Variants in DSCAML1 observed in about 807,000 individuals in gnomAD.
DSCAML1 encodes DS cell adhesion molecule like 1.
In DSCAML1, 38 loss-of-function variants were observed where a neutral mutation model predicts 200.5. That is an observed-to-expected ratio of 0.19 (90% confidence interval 0.15 to 0.25). The LOEUF is 0.25. Among genes scored for constraint, DSCAML1 ranks in the 10% least tolerant of loss-of-function variants. The pLI is 1.00. For missense variants in DSCAML1, 2,223 were observed against 2,858.8 expected (o/e 0.78, Z 5.07); for synonymous variants, 1,215 against 1,165.0 (o/e 1.04, Z -0.87).
Position 117,780,179 on chromosome 11 carries a change from GAAAA to G in DSCAML1, c.364+310_364+313del, listed in dbSNP as rs753602006. Among the ~76,000 whole-genome samples, 13 of 111,424 alleles carry G rather than the reference GAAAA, an allele frequency of 1.2e-4. No homozygotes were observed. Among genetic ancestry groups the G allele is most frequent in the Admixed American group, 4.9e-4 (5 of 10,266 alleles). 73.1% of individuals were successfully genotyped at this position (111,424 alleles called of 152,430 possible). A position where few individuals can be genotyped will look rare whatever the true frequency, so the allele number is the denominator to read the frequency against. ...AGAGAGAAAGAAAGAAAGAAAAAAA[GAAAA>G]AAAGAAAGAAAGAAAGAGAAAGAAA... On this transcript the variant is annotated intron_variant, in intron 2 of 32. Coordinates refer to ENST00000651296, the MANE Select transcript of DSCAML1 (RefSeq NM_020693.4). This position sits in a 1 kb window ranked among gnomAD's most constrained non-coding sequence, Gnocchi z 4.8.
intron 8 of DSCAML1, among the ~76,000 whole-genome samples, chr11:117,514,927 G>C (rs987976212): frequency 2.0e-5 from 3 of 152,244 alleles, no homozygotes; most frequent in Admixed American, 6.5e-5. Context: ...GAAAACTGGG[G>C]AGGAAATGTT....
chr11:117,602,106 G>A (rs1390204846), intron 3 of DSCAML1, among the ~76,000 whole-genome samples: 1 of 152,278 alleles, frequency 6.6e-6, no homozygotes, highest in Non-Finnish European at 1.5e-5. Context: ...AGAATCAGCA[G>A]CCTCAGCTGG....
chr11:117,439,586 G>A (rs1271533528), intron 22 of DSCAML1, among the ~76,000 whole-genome samples, 157 bp from the exon 23 acceptor site: 1 of 152,128 alleles, frequency 6.6e-6, no homozygotes, highest in Non-Finnish European at 1.5e-5. Context: ...CTGGGGGTAT[G>A]AGGTAACCCA....
chr11:117,743,671 G>T (rs1422706277), intron 3 of DSCAML1, among the ~76,000 whole-genome samples: 1 of 152,220 alleles, frequency 6.6e-6, no homozygotes, highest in Non-Finnish European at 1.5e-5. Flanking sequence ...CAGTCTCTCA[G>T]GCCACTGCCA....
At chr11:117,665,392 G>T (rs1269600916) in intron 3 of DSCAML1, among the ~76,000 whole-genome samples, 1 of 152,240 alleles carries the variant, frequency 6.6e-6, no homozygotes, top group Non-Finnish European at 1.5e-5. Context: ...CACAAGCACA[G>T]CTAACCCTTC....
At chr11:117,492,374 C>T (rs146450767) in intron 11 of DSCAML1, among the ~76,000 whole-genome samples, 57 of 152,254 alleles carry the variant, frequency 3.7e-4, no homozygotes, top group African/African-American at 1.3e-3. Flanking sequence ...GCTTTGGGGA[C>T]GATAAAATGC....
At chr11:117,592,348 C>G (rs987437540) in intron 3 of DSCAML1, among the ~76,000 whole-genome samples, 8 of 152,150 alleles carry the variant, frequency 5.3e-5, no homozygotes, top group Non-Finnish European at 1.2e-4. Flanking sequence ...CCATTGAGCT[C>G]ACACTGTCTT....
rs1393910167 is a variant in DSCAML1, at chr11:117,780,284, G to GA, written c.364+208dup. 1.4e-4 allele frequency among the ~76,000 whole-genome samples: 14 copies of GA among 96,758 alleles called. No individual in the cohort carries two copies. Among genetic ancestry groups the GA allele is most frequent in the African/African-American group, 3.5e-4 (11 of 31,130 alleles). 63.5% of individuals were successfully genotyped at this position (96,758 alleles called of 152,430 possible). A position where few individuals can be genotyped will look rare whatever the true frequency, so the allele number is the denominator to read the frequency against. ...AGAAAGAAAGAAAGAAAGAAAGAAA[G>GA]AAAGAAAGAAAGAAAGAAAGAGAGA... On this transcript the variant is annotated intron_variant, in intron 2 of 32. Transcript: ENST00000651296. This position sits in a 1 kb window ranked among gnomAD's most constrained non-coding sequence, Gnocchi z 4.8.
chr11:117,536,786 G>T (rs2050179274), intron 3 of DSCAML1, among the ~76,000 whole-genome samples: 1 of 152,154 alleles, frequency 6.6e-6, no homozygotes, highest in Non-Finnish European at 1.5e-5. Flanking sequence ...ATGACTAGGG[G>T]AGTGGTTGGT....
At chr11:117,578,236 GAAAAAA>G (rs59533726) in intron 3 of DSCAML1, among the ~76,000 whole-genome samples, 5 of 101,410 alleles carry the variant, frequency 4.9e-5, no homozygotes, top group Admixed American at 1.0e-4. Flanking sequence ...ACTCTGTCTC[GAAAAAA>G]AAAAAAAAAA....
chr11:117,431,061 T>C, intron 31 of DSCAML1, 28 bp from the exon 32 acceptor site: 1 of 1,585,504 alleles, frequency 6.3e-7, no homozygotes, highest in Non-Finnish European at 8.6e-7. Context: ...AAGGGGTGGG[T>C]TACGGGGAGG....
chr11:117,632,076 C>T (rs887372516), intron 3 of DSCAML1, among the ~76,000 whole-genome samples: 1 of 152,196 alleles, frequency 6.6e-6, no homozygotes, highest in Non-Finnish European at 1.5e-5. Context: ...GAACTCTGCC[C>T]GATGTCGACA....
chr11:117,753,786 T>C (rs1238347466), intron 3 of DSCAML1, among the ~76,000 whole-genome samples: 1 of 152,216 alleles, frequency 6.6e-6, no homozygotes, highest in Admixed American at 6.5e-5. Context: ...ACGCTGCATG[T>C]TGCCAGAACC....
Position 117,518,841 on chromosome 11 carries a change from G to T in DSCAML1, c.1214-79C>A. The T allele has an allele frequency of 6.8e-7, 1 of 1,471,368 alleles. No homozygotes were observed. The allele number at this position is 1,471,368 out of a possible 1,614,324, so 91.1% of individuals were successfully genotyped here. A position where few individuals can be genotyped will look rare whatever the true frequency, so the allele number is the denominator to read the frequency against. On this transcript the variant is annotated intron_variant, in intron 6 of 32. Transcript: ENST00000651296. This position sits in a 1 kb window ranked among gnomAD's most constrained non-coding sequence, Gnocchi z 6.3. Reference sequence around the variant, plus strand: ...CCCCCAGCCACCCCACCTCAGCAGGGGAGGAGGCAAAAAGCAGCCATAAGA... The same window carrying T: ...CCCCCAGCCACCCCACCTCAGCAGGTGAGGAGGCAAAAAGCAGCCATAAGA...
At chr11:117,457,885 G>A (rs2048403295) in intron 19 of DSCAML1, among the ~76,000 whole-genome samples, 1 of 152,242 alleles carries the variant, frequency 6.6e-6, no homozygotes, top group Non-Finnish European at 1.5e-5. Context: ...ACCATGCCAA[G>A]GATGTCTCCC....
chr11:117,628,315 G>A (rs1035307149), intron 3 of DSCAML1, among the ~76,000 whole-genome samples: 6 of 152,130 alleles, frequency 3.9e-5, no homozygotes, highest in African/African-American at 7.2e-5. Context: ...TTCAGGAAGC[G>A]CTTCCCAGGG....
chr11:117,673,646 T>A (rs2053154584), intron 3 of DSCAML1, among the ~76,000 whole-genome samples: 2 of 152,174 alleles, frequency 1.3e-5, no homozygotes, highest in South Asian at 4.1e-4. Flanking sequence ...CCTGTCTAAT[T>A]GGACCTGCTG....
intron 3 of DSCAML1, among the ~76,000 whole-genome samples, chr11:117,556,973 G>C (rs1341987163): frequency 2.0e-5 from 3 of 152,214 alleles, no homozygotes; most frequent in Non-Finnish European, 4.4e-5. Flanking sequence ...TCACCAGTGA[G>C]AGGGGAGCAA....
intron 3 of DSCAML1, among the ~76,000 whole-genome samples, chr11:117,541,371 A>C (rs1255571703): frequency 6.6e-6 from 1 of 152,240 alleles, no homozygotes; most frequent in Non-Finnish European, 1.5e-5. Context: ...CCTGTATGCC[A>C]GCTCCAGAAG....
Sources: gnomAD v4.1 joint callset for allele counts (sites outside exome capture counted in the v4.1 genomes callset) on GRCh38, gnomAD v4.1.1 for gene constraint, Gnocchi (gnomAD v3.1) non-coding constraint, MANE v1.5 for transcripts, NCBI Gene and HGNC (gene_info 2026-07-23, HGNC 2026-07-21) for gene names.